The following ITGA2 variants were observed in gnomAD, a reference collection of about 807,000 sequenced individuals.
ITGA2 encodes integrin alpha-2.
Under a neutral mutation model 146.3 loss-of-function variants are expected in ITGA2, and 101 were observed. The observed-to-expected ratio is 0.69, with a 90% CI of 0.59 to 0.81. ITGA2 has a LOEUF of 0.81. Ranked by LOEUF, ITGA2 falls within the 40% of genes least tolerant of loss-of-function variation. ITGA2 has a pLI of 0.00. For missense variants in ITGA2, 1,281 were observed against 1,402.7 expected (o/e 0.91, Z 1.39); for synonymous variants, 477 against 487.1 (o/e 0.98, Z 0.27).
At chr5:53,084,094 T>C (rs1746044432) in intron 27 of ITGA2, among the ~76,000 whole-genome samples, 1 of 152,168 alleles carries the variant, frequency 6.6e-6, no homozygotes, top group African/African-American at 2.4e-5. Context: ...GTGAGTCTGC[T>C]CTAGTTATAT....
chr5:53,089,330 G>A (rs1264976421), intron 28 of ITGA2: 1 of 152,528 alleles, frequency 6.6e-6, no homozygotes, highest in Non-Finnish European at 1.5e-5. Flanking sequence ...CAGTTTTACT[G>A]TTAACACTCA....
intron 23 of ITGA2, 147 bp downstream of exon 23, chr5:53,075,451 C>T: frequency 2.7e-6 from 2 of 729,940 alleles, no homozygotes; most frequent in Admixed American, 2.1e-5. Flanking sequence ...CAGGAGTCCA[C>T]AGACATATTG....
At chr5:53,031,236 G>C (rs541800958) in intron 2 of ITGA2, among the ~76,000 whole-genome samples, 2 of 152,298 alleles carry the variant, frequency 1.3e-5, no homozygotes, top group South Asian at 4.1e-4. Flanking sequence ...ACAGAAATTG[G>C]TATGACCATG....
Position 53,060,975 on chromosome 5 carries a change from G to A in ITGA2, c.1387G>A (p.Gly463Ser), listed in dbSNP as rs147838012. 41 of 1,612,222 alleles carry A rather than the reference G, an allele frequency of 2.5e-5. No individual in the cohort carries two copies. Among genetic ancestry groups the A allele is most frequent in the Non-Finnish European group, 3.1e-5 (37 of 1,178,880 alleles). Residue 463 changes from glycine (G) to serine (S), a missense_variant, in exon 12 of 30, where the codon GGC becomes AGC. By Grantham distance (56) the Gly-to-Ser change is moderately conservative. Coordinates refer to ENST00000296585, the MANE Select transcript of ITGA2 (RefSeq NM_002203.4). ...TGGTGCTCCTCGGGCAAATTATACC[G>A]GCCAGATAGTGCTATATAGTGTGAA... is the stretch of plus-strand genomic sequence containing the variant. ...VAGAPRANYT[G>S]QIVLYSVNEN...
Position 52,989,543 on chromosome 5 carries a change from A to G in ITGA2, c.64+11A>G. On this transcript the variant is annotated intron_variant, in intron 1 of 29. Transcript: ENST00000296585. ...TAGCGCTCAGTCAAGGTAAGCGGGG[A>G]TTTCGCTCTGCATCGGCTGCAGGAG... 1.2e-6 allele frequency: 2 copies of G among 1,613,262 alleles called. No homozygotes were observed. Among genetic ancestry groups the G allele is most frequent in the Non-Finnish European group, 1.7e-6 (2 of 1,179,746 alleles).
chr5:53,043,838 A>G (rs963912734), intron 3 of ITGA2, among the ~76,000 whole-genome samples: 1 of 152,134 alleles, frequency 6.6e-6, no homozygotes, highest in African/African-American at 2.4e-5. Context: ...AAGGAAGGAG[A>G]GAAAAATTAG....
Position 53,078,630 on chromosome 5 carries a change from CA to C in ITGA2, c.2826-141del. ...ATTGGACGATAAGCCCATAGGCAAG[CA>C]TTTCTTTTTATTTGGTGCTTTTGTA... On this transcript the variant is annotated intron_variant, in intron 23 of 29. Coordinates refer to ENST00000296585, the MANE Select transcript of ITGA2 (RefSeq NM_002203.4). 3 of 643,058 alleles carry C rather than the reference CA, an allele frequency of 4.7e-6. No individual in the cohort carries two copies. In the South Asian group the frequency reaches 5.4e-5, roughly 12 times the overall value. 39.8% of individuals were successfully genotyped at this position (643,058 alleles called of 1,614,324 possible).
At position 53,065,864 on chromosome 5, in the gene ITGA2, C is replaced by G; in HGVS notation, c.1830C>G (p.Ala610=). 6.2e-7 allele frequency: 1 copy of G among 1,611,912 alleles called. No individual in the cohort carries two copies. Among genetic ancestry groups the G allele is most frequent in the Non-Finnish European group, 8.5e-7 (1 of 1,178,678 alleles). Residue 610 remains alanine (A), a synonymous_variant, in exon 15 of 30, where the codon GCC becomes GCG. Coordinates refer to ENST00000296585, the MANE Select transcript of ITGA2 (RefSeq NM_002203.4). ...YSQKILGSDG[A]FRSHLQYFGR... ...AGAAAATCTTGGGATCCGATGGAGC[C>G]TTTAGGAGCCATCTCCAGTACTTTG...
intron 1 of ITGA2, among the ~76,000 whole-genome samples, chr5:52,992,688 T>C (rs1741023735): frequency 6.6e-6 from 1 of 152,202 alleles, no homozygotes; most frequent in Admixed American, 6.5e-5. Flanking sequence ...TTTTCTTTTC[T>C]TATCTCTCCA....
chr5:53,033,428 A>G (rs1267129466), intron 2 of ITGA2, among the ~76,000 whole-genome samples: 1 of 151,910 alleles, frequency 6.6e-6, no homozygotes, highest in East Asian at 1.9e-4. Context: ...CAAAATAATC[A>G]TGTCTTTGTC....
At chr5:53,045,209 A>G (rs1465581151) in intron 4 of ITGA2, 117 bp downstream of exon 4, 1 of 798,128 alleles carries the variant, frequency 1.3e-6, no homozygotes, top group Non-Finnish European at 2.2e-6. Context: ...TTTTTGATAA[A>G]TTATGCTATT....
chr5:53,027,769 G>T (rs897861051), intron 2 of ITGA2, among the ~76,000 whole-genome samples: 4 of 152,190 alleles, frequency 2.6e-5, no homozygotes, highest in African/African-American at 9.7e-5. Context: ...ATGGGCTGTT[G>T]TTGGCTTATC....
At chr5:53,002,958 G>T (rs1322689337) in intron 1 of ITGA2, among the ~76,000 whole-genome samples, 3 of 152,004 alleles carry the variant, frequency 2.0e-5, no homozygotes, top group Admixed American at 6.6e-5. Context: ...AATATTTTTA[G>T]ATTAGGGTAT....
Position 53,057,982 on chromosome 5 carries a change from A to G in ITGA2, c.1097-43A>G, listed in dbSNP as rs543091648. Reference sequence around the variant, plus strand: ...TGCTTGTGTTTGAAAACTTGATTTAAAATTACTGACAGTAATACAATTTTT... The same window carrying G: ...TGCTTGTGTTTGAAAACTTGATTTAGAATTACTGACAGTAATACAATTTTT... On this transcript the variant is annotated intron_variant, in intron 9 of 29. Transcript: ENST00000296585. 3.0e-4 allele frequency: 433 copies of G among 1,444,934 alleles called. 10 individuals are homozygous for G. In the Middle Eastern group the frequency reaches 4.5e-3, roughly 15 times the overall value. The allele number at this position is 1,444,934 out of a possible 1,614,324, so 89.5% of individuals were successfully genotyped here.
chr5:53,050,064 G>T (rs1744278932), intron 6 of ITGA2, among the ~76,000 whole-genome samples: 1 of 152,110 alleles, frequency 6.6e-6, no homozygotes, highest in African/African-American at 2.4e-5. Context: ...ATATAGCACT[G>T]GTTTCCAGAA....
At chr5:53,035,917 A>C (rs1743469048) in intron 2 of ITGA2, among the ~76,000 whole-genome samples, 1 of 152,158 alleles carries the variant, frequency 6.6e-6, no homozygotes, top group African/African-American at 2.4e-5. Context: ...AAAATATCTC[A>C]CAGTGAACTC....
chr5:53,044,844 C>T (rs3212460), intron 3 of ITGA2, among the ~76,000 whole-genome samples, 157 bp from the exon 4 acceptor site: 5,928 of 152,302 alleles, frequency 0.039, 159 homozygotes, highest in East Asian at 0.074. Context: ...CTGAAAGCAT[C>T]GCGTTTCCCC....
intron 1 of ITGA2, among the ~76,000 whole-genome samples, chr5:52,989,879 G>A (rs1293577678): frequency 1.3e-5 from 2 of 151,782 alleles, no homozygotes; most frequent in East Asian, 2.0e-4. Context: ...GTGGGGATCC[G>A]CGGGTGTCCT....
chr5:53,060,772 T>C, intron 11 of ITGA2, 129 bp from the exon 12 acceptor site: 1 of 859,410 alleles, frequency 1.2e-6, no homozygotes, highest in South Asian at 1.4e-5. Context: ...CAGTGATGTA[T>C]TCAGGAGCAC....
Sources: gnomAD v4.1 joint callset for allele counts (sites outside exome capture counted in the v4.1 genomes callset) on GRCh38, gnomAD v4.1.1 for gene constraint, MANE v1.5 for transcripts, NCBI Gene and HGNC (gene_info 2026-07-23, HGNC 2026-07-21) for gene names.